CDH12: variants seen among roughly 807,000 people sequenced by gnomAD.
The protein encoded by CDH12 is cadherin-12.
CDH12 carries 41 observed loss-of-function variants against 74.1 expected under a neutral mutation model. The ratio of observed to expected loss-of-function variants is 0.55; its 90% CI spans 0.43 to 0.72. The LOEUF is 0.72. Among genes scored for constraint, CDH12 ranks in the 30% least tolerant of loss-of-function variants. CDH12 has a pLI of 0.00. For missense variants in CDH12, 945 were observed against 977.2 expected (o/e 0.97, Z 0.44); for synonymous variants, 399 against 355.0 (o/e 1.12, Z -1.39).
At chr5:22,772,010 G>A (rs1746833740) in intron 1 of CDH12, among the ~76,000 whole-genome samples, 1 of 151,826 alleles carries the variant, frequency 6.6e-6, no homozygotes, top group South Asian at 2.1e-4. Context: ...ATTAATCCTA[G>A]GGACACTCAA....
chr5:21,858,089 T>C (rs562880190), intron 6 of CDH12, among the ~76,000 whole-genome samples: 16 of 151,820 alleles, frequency 1.1e-4, no homozygotes, highest in African/African-American at 3.6e-4. Context: ...TCATTTAACC[T>C]TAATTACCAC....
intron 2 of CDH12, among the ~76,000 whole-genome samples, chr5:22,425,921 T>C (rs1019145558): frequency 6.6e-6 from 1 of 151,966 alleles, no homozygotes; most frequent in African/African-American, 2.4e-5. Context: ...CACATTTGCA[T>C]ACCATGCCAT....
chr5:22,703,734 G>C (rs1276505785), intron 1 of CDH12, among the ~76,000 whole-genome samples: 1 of 151,978 alleles, frequency 6.6e-6, no homozygotes, highest in Non-Finnish European at 1.5e-5. Context: ...TGAGTATTGT[G>C]AAAGAGAAAT....
At chr5:22,181,558 T>C (rs1190569021) in intron 4 of CDH12, among the ~76,000 whole-genome samples, 1 of 152,218 alleles carries the variant, frequency 6.6e-6, no homozygotes, top group African/African-American at 2.4e-5. Context: ...TATATTTCAA[T>C]CTCGGGCTTA....
chr5:22,616,333 A>G (rs930509124), intron 1 of CDH12, among the ~76,000 whole-genome samples: 1 of 152,116 alleles, frequency 6.6e-6, no homozygotes, highest in Non-Finnish European at 1.5e-5. Context: ...GCAATAGAAA[A>G]TTAGTATTAA....
At chr5:22,584,398 A>G (rs566191299) in intron 1 of CDH12, among the ~76,000 whole-genome samples, 3 of 152,104 alleles carry the variant, frequency 2.0e-5, no homozygotes, top group Non-Finnish European at 2.9e-5. Flanking sequence ...CTGCTCCTGG[A>G]AGGAATTTAT....
At chr5:22,705,176 G>A (rs937090648) in intron 1 of CDH12, among the ~76,000 whole-genome samples, 8 of 140,128 alleles carry the variant, frequency 5.7e-5, no homozygotes, top group South Asian at 2.3e-4. Context: ...GTAGAGATAC[G>A]TGTGTGTGTA....
In CDH12 at chr5:22,668,947, T is replaced by C. The variant is rs186391452; in HGVS notation, c.-522-163583A>G. ...CTCTCTCTCTCTTATAGTTTGATTT[T>C]GTATTCAGGTTTAAGTTACCTCCAT... On this transcript the variant is annotated intron_variant, in intron 1 of 14. Transcript: ENST00000382254. 3.0e-3 allele frequency among the ~76,000 whole-genome samples: 459 copies of C among 152,204 alleles called. 4 individuals carry two copies. The highest frequency in any genetic ancestry group is 0.01 in the African/African-American group (429 of 41,544).
chr5:21,804,313 A>T (rs1048322729), intron 9 of CDH12, among the ~76,000 whole-genome samples: 3 of 152,220 alleles, frequency 2.0e-5, no homozygotes, highest in African/African-American at 4.8e-5. Context: ...AAGAGAGAGG[A>T]TCACCCAGTG....
At position 21,967,313 on chromosome 5, in the gene CDH12, G is replaced by A. The variant is rs532514049; in HGVS notation, c.526+7778C>T. Among the ~76,000 whole-genome samples, 173 of 152,218 alleles carry A rather than the reference G, an allele frequency of 1.1e-3. 1 individual carries two copies. The highest frequency in any genetic ancestry group is 2.0e-3 in the Non-Finnish European group (133 of 68,024). On this transcript the variant is annotated intron_variant, in intron 6 of 14. Coordinates refer to ENST00000382254, the MANE Select transcript of CDH12 (RefSeq NM_004061.5). ...TGCTTTTGTGTACAAAATATAAATA[G>A]AATAGAGCAAACAAGGAAAAATAGT...
chr5:22,191,958 C>G (rs754058252), intron 4 of CDH12, among the ~76,000 whole-genome samples: 30 of 151,948 alleles, frequency 2.0e-4, no homozygotes, highest in Non-Finnish European at 3.7e-4. Context: ...TTGTTTGAGA[C>G]AGAGGCTTGG....
chr5:22,011,825 A>T (rs376151923), intron 5 of CDH12, among the ~76,000 whole-genome samples: 1 of 152,168 alleles, frequency 6.6e-6, no homozygotes, highest in African/African-American at 2.4e-5. Context: ...ATGCTTATAC[A>T]TAACTATCAA....
intron 6 of CDH12, among the ~76,000 whole-genome samples, chr5:21,859,106 A>G (rs768393745): frequency 6.6e-6 from 1 of 151,962 alleles, no homozygotes; most frequent in African/African-American, 2.4e-5. Flanking sequence ...AATTGTGTAT[A>G]CTTCGAGCAA....
chr5:21,975,440 A>G (rs1003061199), intron 5 of CDH12, 55 bp from the exon 6 acceptor site: 6 of 1,308,416 alleles, frequency 4.6e-6, no homozygotes, highest in South Asian at 2.9e-5. Flanking sequence ...CAAAGAAAGA[A>G]CACCATTAAA....
intron 1 of CDH12, among the ~76,000 whole-genome samples, chr5:22,757,322 A>T (rs1156801599): frequency 2.0e-5 from 3 of 152,198 alleles, no homozygotes; most frequent in Middle Eastern, 3.2e-3. Flanking sequence ...TTGCTTAAAC[A>T]TTTAGGGTTT....
chr5:21,977,089 T>C (rs1343331436), intron 5 of CDH12, among the ~76,000 whole-genome samples: 1 of 152,088 alleles, frequency 6.6e-6, no homozygotes, highest in African/African-American at 2.4e-5. Flanking sequence ...GTTCTAAAAG[T>C]GTTTTGTATG....
At chr5:22,740,208 A>C (rs1744948543) in intron 1 of CDH12, among the ~76,000 whole-genome samples, 1 of 152,108 alleles carries the variant, frequency 6.6e-6, no homozygotes, top group African/African-American at 2.4e-5. Context: ...ATTTAACAGG[A>C]AAAGAAGCTC....
intron 1 of CDH12, among the ~76,000 whole-genome samples, chr5:22,678,529 A>C (rs1741330245): frequency 6.6e-6 from 1 of 152,160 alleles, no homozygotes; most frequent in Non-Finnish European, 1.5e-5. Context: ...CTCTGAAAGC[A>C]TTCAAAACAT....
intron 1 of CDH12, among the ~76,000 whole-genome samples, chr5:22,619,056 A>G (rs1230860983): frequency 2.6e-5 from 4 of 152,102 alleles, no homozygotes; most frequent in Non-Finnish European, 5.9e-5. Flanking sequence ...CTTTATTAGT[A>G]GCATAAGAAC....
Sources: gnomAD v4.1 joint callset for allele counts (sites outside exome capture counted in the v4.1 genomes callset) on GRCh38, gnomAD v4.1.1 for gene constraint, MANE v1.5 for transcripts, NCBI Gene and HGNC (gene_info 2026-07-23, HGNC 2026-07-21) for gene names.